MMP16: variants seen among roughly 807,000 people sequenced by gnomAD.
MMP16 encodes matrix metallopeptidase 16.
Under a neutral mutation model 67.8 loss-of-function variants are expected in MMP16, and 12 were observed. The observed-to-expected ratio is 0.18, with a 90% confidence interval of 0.11 to 0.29. MMP16 has a LOEUF of 0.29. Among genes scored for constraint, MMP16 ranks in the 10% least tolerant of loss-of-function variants. MMP16 has a pLI of 1.00. For missense variants in MMP16, 475 were observed against 765.7 expected (o/e 0.62, Z 4.48); for synonymous variants, 249 against 255.9 (o/e 0.97, Z 0.26).
At chr8:88,295,724 T>C (rs1811002060) in intron 1 of MMP16, among the ~76,000 whole-genome samples, 1 of 152,208 alleles carries the variant, frequency 6.6e-6, no homozygotes, top group African/African-American at 2.4e-5. Context: ...CAACGCTTAA[T>C]CTGTTTTTCT....
chr8:88,323,427 T>G (rs1478903868), intron 1 of MMP16, among the ~76,000 whole-genome samples: 1 of 152,186 alleles, frequency 6.6e-6, no homozygotes, highest in Non-Finnish European at 1.5e-5. Context: ...ATAGTTATAC[T>G]CAATTCATAT....
At chr8:88,127,413 TG>T in intron 4 of MMP16, among the ~76,000 whole-genome samples, 1 of 151,688 alleles carries the variant, frequency 6.6e-6, no homozygotes, top group Admixed American at 6.6e-5. Context: ...GCTAAGGTAG[TG>T]ATGAAGGGAA....
chr8:88,076,460 G>A (rs768110015), intron 6 of MMP16, among the ~76,000 whole-genome samples: 7 of 152,040 alleles, frequency 4.6e-5, no homozygotes, highest in Non-Finnish European at 7.4e-5. Flanking sequence ...TCCCAGCCAC[G>A]TATCTCATTC....
At position 88,186,354 on chromosome 8, in the gene MMP16, T is replaced by C. The variant is rs1809072782; in HGVS notation, c.404+122A>G. 6.1e-6 allele frequency: 8 copies of C among 1,303,794 alleles called. No homozygotes were observed. The Admixed American group carries it at 8.0e-5, about 13-fold the overall frequency. The allele number at this position is 1,303,794 out of a possible 1,614,324, so 80.8% of individuals were successfully genotyped here. ...CTCAATAGCAATTTTAAATCTCTTA[T>C]GTTAACATTATATCCCTATATATTA... On this transcript the variant is annotated intron_variant, in intron 3 of 9. Coordinates refer to ENST00000286614, the MANE Select transcript of MMP16 (RefSeq NM_005941.5).
intron 3 of MMP16, among the ~76,000 whole-genome samples, chr8:88,174,549 A>C (rs1171422771): frequency 6.6e-5 from 10 of 152,228 alleles, no homozygotes; most frequent in Non-Finnish European, 1.5e-4. Flanking sequence ...TGGTTTAAAT[A>C]CTTCCAAAAA....
At chr8:88,277,851 T>G (rs139087665) in intron 1 of MMP16, among the ~76,000 whole-genome samples, 67 of 152,316 alleles carry the variant, frequency 4.4e-4, no homozygotes, top group African/African-American at 1.5e-3. Flanking sequence ...TTTGAGAAAC[T>G]AAATAAGACA....
chr8:88,083,154 T>A (rs1380750896), intron 6 of MMP16, among the ~76,000 whole-genome samples: 2 of 152,106 alleles, frequency 1.3e-5, no homozygotes, highest in African/African-American at 4.8e-5. Context: ...TAATTAATGT[T>A]ACATTTGGAT....
intron 1 of MMP16, among the ~76,000 whole-genome samples, chr8:88,308,989 T>A (rs1193441698): frequency 2.0e-5 from 3 of 151,196 alleles, no homozygotes; most frequent in East Asian, 3.9e-4. Context: ...CAAAAAAAAA[T>A]AATATTTTAC....
intron 5 of MMP16, among the ~76,000 whole-genome samples, chr8:88,117,846 A>C (rs534153678): frequency 6.6e-6 from 1 of 152,258 alleles, no homozygotes; most frequent in Admixed American, 6.6e-5. Context: ...GGATATTAAC[A>C]TACAGATAGC....
chr8:88,186,938 C>G (rs974523321), intron 2 of MMP16, among the ~76,000 whole-genome samples: 3 of 152,140 alleles, frequency 2.0e-5, no homozygotes, highest in Non-Finnish European at 4.4e-5. Flanking sequence ...TTGGGCAAGT[C>G]TTTAATTCCT....
intron 4 of MMP16, among the ~76,000 whole-genome samples, chr8:88,155,855 C>T (rs55844853): frequency 4.3e-4 from 66 of 152,108 alleles, no homozygotes; most frequent in Non-Finnish European, 9.0e-4. Flanking sequence ...GCCTTTTATT[C>T]CTGAGTCTTC....
At chr8:88,303,940 G>T (rs1811172976) in intron 1 of MMP16, among the ~76,000 whole-genome samples, 1 of 152,200 alleles carries the variant, frequency 6.6e-6, no homozygotes, top group South Asian at 2.1e-4. Context: ...ACTGGGCTGA[G>T]GCTGAGATAG....
At chr8:88,299,382 T>A (rs1811063512) in intron 1 of MMP16, among the ~76,000 whole-genome samples, 1 of 152,074 alleles carries the variant, frequency 6.6e-6, no homozygotes, top group Admixed American at 6.6e-5. Context: ...TATCTCTTTA[T>A]CCTCAATCTG....
intron 6 of MMP16, among the ~76,000 whole-genome samples, chr8:88,080,470 C>A (rs1808728018): frequency 6.6e-6 from 1 of 152,210 alleles, no homozygotes; most frequent in African/African-American, 2.4e-5. Flanking sequence ...GAGTCTTGCT[C>A]TGTTGCCCAG....
intron 1 of MMP16, among the ~76,000 whole-genome samples, chr8:88,301,874 C>T (rs1165231090): frequency 6.6e-6 from 1 of 152,154 alleles, no homozygotes; most frequent in Non-Finnish European, 1.5e-5. Flanking sequence ...ATTCAAATGG[C>T]TAAAACTTTT....
chr8:88,201,490 T>C, intron 1 of MMP16, among the ~76,000 whole-genome samples: 1 of 152,150 alleles, frequency 6.6e-6, no homozygotes, highest in South Asian at 2.1e-4. Context: ...ATAGCATTTA[T>C]TTAGTAAGAA....
intron 1 of MMP16, among the ~76,000 whole-genome samples, chr8:88,281,775 A>G (rs1810742182): frequency 6.6e-6 from 1 of 152,122 alleles, no homozygotes; most frequent in South Asian, 2.1e-4. Context: ...TGTTTTCTCA[A>G]GTGTTGCCAT....
At chr8:88,287,569 A>G (rs1451106246) in intron 1 of MMP16, among the ~76,000 whole-genome samples, 1 of 152,166 alleles carries the variant, frequency 6.6e-6, no homozygotes, top group African/African-American at 2.4e-5. Context: ...TCATTGTTAC[A>G]TCCCCTCCAC....
At chr8:88,172,959 G>A (rs775892056) in intron 3 of MMP16, among the ~76,000 whole-genome samples, 46 of 152,110 alleles carry the variant, frequency 3.0e-4, no homozygotes, top group Non-Finnish European at 3.2e-4. Flanking sequence ...TTTAGATTTG[G>A]AAATAAAATT....
Sources: allele counts gnomAD v4.1 joint callset (sites outside exome capture counted in the v4.1 genomes callset), GRCh38; gene constraint gnomAD v4.1.1; transcripts MANE v1.5; gene names NCBI Gene and HGNC (gene_info 2026-07-23, HGNC 2026-07-21).